Variants in TMEM38B observed in about 807,000 individuals in gnomAD.
The protein encoded by TMEM38B is transmembrane protein 38B.
A neutral mutation model predicts 28.7 loss-of-function variants in TMEM38B; 24 were observed. That is an observed-to-expected ratio of 0.84 (90% CI 0.61 to 1.18). The LOEUF is 1.18. Ranked by LOEUF, TMEM38B falls within the 50% of genes most tolerant of loss-of-function variation. The pLI is 0.00. For missense variants in TMEM38B, 380 were observed against 350.9 expected (o/e 1.08, Z -0.66); for synonymous variants, 131 against 127.7 (o/e 1.03, Z -0.17).
At position 105,742,656 on chromosome 9, in the gene TMEM38B, A is replaced by T. The variant is rs527532702; in HGVS notation, c.543-5417A>T. 6.5e-4 allele frequency among the ~76,000 whole-genome samples: 99 copies of T among 152,278 alleles called. 1 individual carries two copies. Among genetic ancestry groups the T allele is most frequent in the African/African-American group, 2.1e-3 (86 of 41,570 alleles). On this transcript the variant is annotated intron_variant, in intron 4 of 5. Coordinates refer to ENST00000374692, the MANE Select transcript of TMEM38B (RefSeq NM_018112.3). Reference sequence around the variant, plus strand: ...CTTCTCCAATGCCTTGCCCCAGTGCATTTTCTATGAAATCCTTGTTCCTTA... The same window carrying T: ...CTTCTCCAATGCCTTGCCCCAGTGCTTTTTCTATGAAATCCTTGTTCCTTA...
intron 5 of TMEM38B, among the ~76,000 whole-genome samples, chr9:105,773,111 G>A (rs921636650): frequency 6.6e-6 from 1 of 152,142 alleles, no homozygotes; most frequent in African/African-American, 2.4e-5. Flanking sequence ...CTTTGGAGCT[G>A]TTCTAGACTT....
At chr9:105,745,834 G>A (rs955968211) in intron 4 of TMEM38B, among the ~76,000 whole-genome samples, 1 of 152,162 alleles carries the variant, frequency 6.6e-6, no homozygotes, top group South Asian at 2.1e-4. Flanking sequence ...TTATTAGGTA[G>A]GGAATCCTTT....
chr9:105,753,263 A>G (rs558249956), intron 5 of TMEM38B, among the ~76,000 whole-genome samples: 36 of 152,224 alleles, frequency 2.4e-4, no homozygotes, highest in Non-Finnish European at 2.8e-4. Context: ...ATCCAGGAGA[A>G]CTTCCCCCAC....
chr9:105,764,404 G>A (rs28896027), intron 5 of TMEM38B, among the ~76,000 whole-genome samples: 17 of 151,300 alleles, frequency 1.1e-4, no homozygotes, highest in South Asian at 4.2e-4. Flanking sequence ...CAAAATCAAT[G>A]TACAAAAATC....
At chr9:105,773,350 G>A (rs1826620866) in intron 5 of TMEM38B, among the ~76,000 whole-genome samples, 1 of 152,126 alleles carries the variant, frequency 6.6e-6, no homozygotes, top group Admixed American at 6.6e-5. Context: ...TTTAGATGAT[G>A]ATAGTCAGTG....
At chr9:105,737,880 T>C (rs1442663236) in intron 4 of TMEM38B, among the ~76,000 whole-genome samples, 1 of 152,036 alleles carries the variant, frequency 6.6e-6, no homozygotes, top group African/African-American at 2.4e-5. Context: ...GCTTAGACCC[T>C]GAGGAGTAGG....
In TMEM38B at chr9:105,761,918, T is replaced by C. The variant is rs1467899823; in HGVS notation, c.661-11947T>C. On this transcript the variant is annotated intron_variant, in intron 5 of 5. Transcript: ENST00000374692. ...TGGCACATTGACTTTATTTTTTCAT[T>C]AGAAGAAAATGCTTGCCGAGTATAA... is the stretch of plus-strand genomic sequence containing the variant. 5.3e-5 allele frequency among the ~76,000 whole-genome samples: 8 copies of C among 152,296 alleles called. No homozygotes were observed. In the East Asian group the frequency reaches 1.5e-3, roughly 29 times the overall value.
chr9:105,762,804 C>G (rs1380782272), intron 5 of TMEM38B, among the ~76,000 whole-genome samples: 1 of 150,140 alleles, frequency 6.7e-6, no homozygotes, highest in African/African-American at 2.5e-5. Context: ...AATGGTATTT[C>G]TAATTCTAGA....
At chr9:105,711,232 G>A (rs1484264492) in intron 2 of TMEM38B, among the ~76,000 whole-genome samples, 1 of 150,696 alleles carries the variant, frequency 6.6e-6, no homozygotes, top group South Asian at 2.1e-4. Context: ...CCTGAGGTCA[G>A]GAGTTCGAAA....
intron 4 of TMEM38B, among the ~76,000 whole-genome samples, chr9:105,741,195 T>A (rs1837190228): frequency 6.6e-6 from 1 of 152,222 alleles, no homozygotes; most frequent in Admixed American, 6.5e-5. Flanking sequence ...GACGCTGATT[T>A]TGACTGATAC....
intron 5 of TMEM38B, among the ~76,000 whole-genome samples, chr9:105,752,633 A>G (rs1837695510): frequency 6.6e-6 from 1 of 152,300 alleles, no homozygotes; most frequent in Middle Eastern, 3.4e-3. Context: ...ACAACAACAT[A>G]AACAAAAAAG....
chr9:105,733,414 C>CTTT lies in TMEM38B; in HGVS notation c.542+10797_542+10799dup, dbSNP rs1238601451. Among the ~76,000 whole-genome samples, 190 of 123,742 alleles carry CTTT rather than the reference C, an allele frequency of 1.5e-3. 1 individual carries two copies. The highest frequency in any genetic ancestry group is 6.6e-3 in the African/African-American group (183 of 27,604). 81.2% of individuals were successfully genotyped at this position (123,742 alleles called of 152,430 possible). On this transcript the variant is annotated intron_variant, in intron 4 of 5. Transcript: ENST00000374692. ...ATGAGAGATATTGGCTTGCAGTTTT[C>CTTT]TTTTTTCTTTTTTTTTTTTTTTGCG...
intron 5 of TMEM38B, among the ~76,000 whole-genome samples, chr9:105,751,365 C>G (rs1213633319): frequency 6.6e-6 from 1 of 152,192 alleles, no homozygotes; most frequent in Non-Finnish European, 1.5e-5. Context: ...TTCTCATGGA[C>G]CTTTGCGACC....
chr9:105,722,713 G>A, intron 4 of TMEM38B, 92 bp downstream of exon 4: 6 of 961,146 alleles, frequency 6.2e-6, no homozygotes, highest in Non-Finnish European at 9.6e-6. Flanking sequence ...CTTTAAATGT[G>A]GGTGGAATAT....
At chr9:105,770,357 A>G (rs544885834) in intron 5 of TMEM38B, among the ~76,000 whole-genome samples, 18 of 152,228 alleles carry the variant, frequency 1.2e-4, no homozygotes, top group African/African-American at 3.8e-4. Flanking sequence ...TTGATTTTTA[A>G]TATATATTTG....
At chr9:105,763,169 G>T (rs1170662999) in intron 5 of TMEM38B, among the ~76,000 whole-genome samples, 1 of 151,542 alleles carries the variant, frequency 6.6e-6, no homozygotes, top group Non-Finnish European at 1.5e-5. Flanking sequence ...CCCTTTGTCA[G>T]ATGAGTAGGT....
chr9:105,770,087 G>A (rs896322266), intron 5 of TMEM38B, among the ~76,000 whole-genome samples: 11 of 151,940 alleles, frequency 7.2e-5, no homozygotes, highest in African/African-American at 2.7e-4. Flanking sequence ...TGAATAAGGT[G>A]TAATGTATAC....
intron 5 of TMEM38B, among the ~76,000 whole-genome samples, chr9:105,764,229 T>C (rs111293946): frequency 3.6e-3 from 540 of 151,288 alleles, no homozygotes; most frequent in African/African-American, 0.011. Context: ...AAGTTCTGGC[T>C]AGGGCAATTA....
At chr9:105,740,267 T>G (rs1837151152) in intron 4 of TMEM38B, among the ~76,000 whole-genome samples, 1 of 150,818 alleles carries the variant, frequency 6.6e-6, no homozygotes, top group South Asian at 2.1e-4. Flanking sequence ...GGTGTTTTTT[T>G]TTTTTTTTTT....
Sources: gnomAD v4.1 joint callset for allele counts (sites outside exome capture counted in the v4.1 genomes callset) on GRCh38, gnomAD v4.1.1 for gene constraint, MANE v1.5 for transcripts, NCBI Gene and HGNC (gene_info 2026-07-23, HGNC 2026-07-21) for gene names.